Variants in KAT14 observed in about 807,000 individuals in gnomAD.
KAT14 encodes the protein cysteine-rich protein 2-binding protein.
In KAT14, 66 loss-of-function variants were observed where a neutral mutation model predicts 78.4. The ratio of observed to expected loss-of-function variants is 0.84; its 90% CI spans 0.69 to 1.03. The LOEUF is 1.03. Ranked by LOEUF, KAT14 falls within the 50% of genes least tolerant of loss-of-function variation. The pLI is 0.00. For missense variants in KAT14, 870 were observed against 972.5 expected (o/e 0.89, Z 1.40); for synonymous variants, 344 against 359.4 (o/e 0.96, Z 0.48).
intron 7 of KAT14, among the ~76,000 whole-genome samples, chr20:18,179,679 C>T (rs769643665): frequency 4.6e-5 from 7 of 152,176 alleles, no homozygotes; most frequent in East Asian, 1.9e-4. Flanking sequence ...TATGGCATGC[C>T]GTGGAGATTG....
chr20:18,138,344 C>T (rs928605330), intron 1 of KAT14: 5 of 1,104,022 alleles, frequency 4.5e-6, no homozygotes, highest in African/African-American at 3.3e-5. Flanking sequence ...AGGCACGGCA[C>T]GCAAGCTTTT....
At chr20:18,185,160 T>C (rs2039413342) in intron 10 of KAT14, among the ~76,000 whole-genome samples, 1 of 152,188 alleles carries the variant, frequency 6.6e-6, no homozygotes, top group South Asian at 2.1e-4. Flanking sequence ...GGTAGGACTA[T>C]TATTTTTATT....
In KAT14 at chr20:18,187,564, T is replaced by G; in HGVS notation, c.*105T>G. On this transcript the variant is annotated 3_prime_UTR_variant, in exon 11 of 11. Coordinates refer to ENST00000688188, the MANE Select transcript of KAT14 (RefSeq NM_001392073.1). ...CACAGGGAGCTCTAATCTCTGTGATTACATGGTCCTTCAAACTCCCAACCA... is the reference window on the plus strand; with the variant it reads ...CACAGGGAGCTCTAATCTCTGTGATGACATGGTCCTTCAAACTCCCAACCA... The G allele has an allele frequency of 6.5e-7, 1 of 1,529,016 alleles. No individual in the cohort carries two copies. Among genetic ancestry groups the G allele is most frequent in the Non-Finnish European group, 8.8e-7 (1 of 1,138,994 alleles). The allele number at this position is 1,529,016 out of a possible 1,614,324, so 94.7% of individuals were successfully genotyped here.
intron 7 of KAT14, among the ~76,000 whole-genome samples, chr20:18,177,114 T>A (rs1017614727): frequency 1.3e-5 from 2 of 152,210 alleles, no homozygotes; most frequent in Non-Finnish European, 2.9e-5. Context: ...CTTAGTGGCT[T>A]TTGATCCCTG....
In KAT14 at chr20:18,181,719, C is replaced by T. The variant is rs2039260633; in HGVS notation, c.1678C>T (p.Pro560Ser). 6.2e-7 allele frequency: 1 copy of T among 1,614,100 alleles called. No individual in the cohort carries two copies. The highest frequency in any genetic ancestry group is 8.5e-7 in the Non-Finnish European group (1 of 1,180,000). Residue 560 changes from proline (P) to serine (S), a missense_variant, in exon 8 of 11, where the codon CCG becomes TCG. Transcript: ENST00000688188. ...RILDRYQTSL[P>S]SRKGFRHQTT... ...TGTTTCTTTCTCATAGACTTCCTTG[C>T]CGTCCAGGAAGGGATTTCGACACCA... is the stretch of plus-strand genomic sequence containing the variant.
At chr20:18,172,953 T>G (rs1410990266) in intron 7 of KAT14, among the ~76,000 whole-genome samples, 1 of 152,192 alleles carries the variant, frequency 6.6e-6, no homozygotes, top group Non-Finnish European at 1.5e-5. Context: ...GGACTAAAAG[T>G]GCTTCTCAGT....
At chr20:18,174,926 G>A (rs191190583) in intron 7 of KAT14, among the ~76,000 whole-genome samples, 1 of 152,074 alleles carries the variant, frequency 6.6e-6, no homozygotes, top group African/African-American at 2.4e-5. Context: ...CGGCCTCCCA[G>A]AGTGTTGGGA....
At chr20:18,181,612 G>T in intron 7 of KAT14, 98 bp from the exon 8 acceptor site, 1 of 1,539,834 alleles carries the variant, frequency 6.5e-7, no homozygotes, top group Non-Finnish European at 8.8e-7. Flanking sequence ...CTTGTGATCC[G>T]CCTACCTCAG....
chr20:18,151,258 G>A (rs1372864269), intron 4 of KAT14, among the ~76,000 whole-genome samples: 2 of 152,002 alleles, frequency 1.3e-5, no homozygotes, highest in African/African-American at 2.4e-5. Context: ...GTGCAGTGGC[G>A]TGATCTCGGC....
At chr20:18,150,791 C>T (rs772604532) in intron 3 of KAT14, 30 bp from the exon 4 acceptor site, 5 of 1,613,724 alleles carry the variant, frequency 3.1e-6, no homozygotes, top group South Asian at 2.2e-5. Flanking sequence ...CCGTGCTGTT[C>T]TCCCACCTCT....
At chr20:18,145,436 G>A (rs960161001) in intron 3 of KAT14, 85 bp downstream of exon 3, 2 of 1,565,540 alleles carry the variant, frequency 1.3e-6, no homozygotes, top group Non-Finnish European at 1.7e-6. Flanking sequence ...TTAGGGATGA[G>A]CTTTTGAGTT....
chr20:18,157,982 G>A (rs147889929), intron 4 of KAT14, among the ~76,000 whole-genome samples: 1 of 152,032 alleles, frequency 6.6e-6, no homozygotes, highest in South Asian at 2.1e-4. Context: ...TTGTTGCCCG[G>A]GCTGGAGTGC....
intron 7 of KAT14, 66 bp downstream of exon 7, chr20:18,163,011 G>A: frequency 6.5e-7 from 1 of 1,547,500 alleles, no homozygotes; most frequent in Non-Finnish European, 8.7e-7. Flanking sequence ...GCAGCACTAG[G>A]CATTGGACAT....
At position 18,141,051 on chromosome 20, in the gene KAT14, T is replaced by TTTTTTTTTTTTTTTTG. The variant is rs58888387; in HGVS notation, c.-453-1156_-453-1155insTTTTTTTTTTTTTTGT. ...TTTTTTTTTTTTTTTTTTTTTATTTTTATTTTTGCTAGAGATGGGATTTTG... is the reference window on the plus strand; with the variant it reads ...TTTTTTTTTTTTTTTTTTTTTATTTTTTTTTTTTTTTTTTTGTATTTTTGCTAGAGATGGGATTTTG... On this transcript the variant is annotated intron_variant, in intron 1 of 10. Transcript: ENST00000688188. 1.4e-3 allele frequency among the ~76,000 whole-genome samples: 150 copies of TTTTTTTTTTTTTTTTG among 109,692 alleles called. 3 individuals are homozygous for TTTTTTTTTTTTTTTTG. Among genetic ancestry groups the TTTTTTTTTTTTTTTTG allele is most frequent in the Middle Eastern group, 5.3e-3 (1 of 190 alleles). The allele number at this position is 109,692 out of a possible 152,430, so 72.0% of individuals were successfully genotyped here. A position where few individuals can be genotyped will look rare whatever the true frequency, so the allele number is the denominator to read the frequency against.
chr20:18,151,895 G>A (rs1017909323), intron 4 of KAT14, among the ~76,000 whole-genome samples: 3 of 150,672 alleles, frequency 2.0e-5, no homozygotes, highest in Non-Finnish European at 4.4e-5. Context: ...CCCAGCTACT[G>A]AGGAGGCTGA....
intron 10 of KAT14, among the ~76,000 whole-genome samples, chr20:18,186,298 G>A (rs1293519591): frequency 6.6e-6 from 1 of 152,138 alleles, no homozygotes; most frequent in African/African-American, 2.4e-5. Context: ...ACTCAATGAT[G>A]GCCACGGTGA....
At chr20:18,141,319 G>A (rs1248122521) in intron 1 of KAT14, among the ~76,000 whole-genome samples, 1 of 152,068 alleles carries the variant, frequency 6.6e-6, no homozygotes, top group Non-Finnish European at 1.5e-5. Flanking sequence ...TGCTTACTAA[G>A]GTAACTACCA....
At chr20:18,144,261 C>G (rs535825535) in intron 2 of KAT14, among the ~76,000 whole-genome samples, 12 of 152,260 alleles carry the variant, frequency 7.9e-5, no homozygotes, top group African/African-American at 2.9e-4. Flanking sequence ...TCTGAGCGGT[C>G]TCTGTTATTG....
rs773974372 is a variant in KAT14, at chr20:18,187,430, C to T, written c.2317C>T (p.His773Tyr). Residue 773 changes from histidine (H) to tyrosine (Y), a missense_variant, in exon 11 of 11, where the codon CAC becomes TAC. Transcript: ENST00000688188. The stretch of plus-strand genomic sequence containing the variant: ...CCCATTGGAGAGTACAGAGTGTAAA[C>T]ACGCATTCTTTCTGAGGCTCCGGCG... ...YYPLESTECK[H>Y]AFFLRLRR is the part of the protein sequence containing the mutation. The T allele has an allele frequency of 5.0e-6, 8 of 1,614,016 alleles. No individual in the cohort carries two copies. In the Admixed American group the frequency reaches 1.3e-4, roughly 27 times the overall value.
Sources: allele counts gnomAD v4.1 joint callset (sites outside exome capture counted in the v4.1 genomes callset), GRCh38; gene constraint gnomAD v4.1.1; transcripts MANE v1.5; gene names NCBI Gene and HGNC (gene_info 2026-07-23, HGNC 2026-07-21).